Variants in ITGA11 observed in about 807,000 individuals in gnomAD.
ITGA11 encodes integrin alpha-11.
A neutral mutation model predicts 141.9 loss-of-function variants in ITGA11; 97 were observed. The observed-to-expected ratio is 0.68, with a 90% CI of 0.58 to 0.81. ITGA11 has a LOEUF of 0.81. Ranked by LOEUF, ITGA11 falls within the 30% of genes least tolerant of loss-of-function variation. ITGA11 has a pLI of 0.00. For synonymous variants in ITGA11, 658 were observed against 624.6 expected, an observed-to-expected ratio of 1.05 and a Z score of -0.80; for missense variants, 1,387 against 1,559.2, an observed-to-expected ratio of 0.89 and a Z score of 1.86.
chr15:68,430,804 G>C (rs1000784013), intron 1 of ITGA11, among the ~76,000 whole-genome samples: 18 of 152,362 alleles, frequency 1.2e-4, no homozygotes, highest in South Asian at 6.2e-4. Flanking sequence ...GATTCCACTA[G>C]CCAGAGGCCC....
rs369073414 is a variant in ITGA11 at position 68,357,189 on chromosome 15, T to G, written c.711A>C (p.Gly237=). ...EAASHIEQRG[G]TETRTAFGIE... is the part of the protein sequence containing the mutation. ...TGCCAAATGCCGTCCGGGTCTCTGT[T>G]CCTCCTCTCTGCTCAATGTGGCTGG... Residue 237 remains glycine (G), a synonymous_variant, in exon 7 of 30, where the codon GGA becomes GGC. Coordinates refer to ENST00000315757, the MANE Select transcript of ITGA11 (RefSeq NM_001004439.2). 1 of 1,613,848 alleles carries G rather than the reference T, an allele frequency of 6.2e-7. No homozygotes were observed. Among genetic ancestry groups the G allele is most frequent in the Non-Finnish European group, 8.5e-7 (1 of 1,179,894 alleles).
rs1567119727 is a variant in ITGA11, at chr15:68,304,424, A to AT, written c.3382-540dup. On this transcript the variant is annotated intron_variant, in intron 28 of 29. Transcript: ENST00000315757. The surrounding 1 kb of genome is among the most constrained non-coding windows in gnomAD (Gnocchi z 6.1). The stretch of plus-strand genomic sequence containing the variant: ...TGGAATAGAATCCAGCTTGGATAAC[A>AT]TTTTTTAATCTTTGTATCAACATGG... 6.6e-6 allele frequency among the ~76,000 whole-genome samples: 1 copy of AT among 152,204 alleles called. No individual in the cohort carries two copies. Among genetic ancestry groups the AT allele is most frequent in the African/African-American group, 2.4e-5 (1 of 41,452 alleles).
chr15:68,328,122 G>A lies in ITGA11; in HGVS notation c.2042C>T (p.Ala681Val). Residue 681 changes from alanine (A) to valine (V), a missense_variant, in exon 16 of 30, where the codon GCA becomes GTA. Coordinates refer to ENST00000315757, the MANE Select transcript of ITGA11 (RefSeq NM_001004439.2). This position sits in a 1 kb window ranked among gnomAD's most constrained non-coding sequence, Gnocchi z 4.8. ...AFLCFTPIFL[A>V]PHFQTTTVGI... ...AACAGTTGTTGTTTGGAAATGGGGTGCCAGGAAGATGGGCGTGAAGCAGAG... is the reference window on the plus strand; with the variant it reads ...AACAGTTGTTGTTTGGAAATGGGGTACCAGGAAGATGGGCGTGAAGCAGAG... The A allele has an allele frequency of 6.2e-7, 1 of 1,613,778 alleles. No homozygotes were observed. The highest frequency in any genetic ancestry group is 8.5e-7 in the Non-Finnish European group (1 of 1,179,826).
At chr15:68,354,286 C>T (rs1206986748) in intron 7 of ITGA11, among the ~76,000 whole-genome samples, 3 of 152,148 alleles carry the variant, frequency 2.0e-5, no homozygotes, top group Non-Finnish European at 4.4e-5. Flanking sequence ...GTGTGAGGCA[C>T]ATAGTAGAGG....
intron 1 of ITGA11, among the ~76,000 whole-genome samples, chr15:68,431,765 A>T (rs1205547881): frequency 6.6e-6 from 1 of 152,192 alleles, no homozygotes; most frequent in Non-Finnish European, 1.5e-5. Context: ...TTTTCAACTC[A>T]AGCCTCTTCA....
At chr15:68,351,765 A>G (rs1485551630) in intron 7 of ITGA11, among the ~76,000 whole-genome samples, 4 of 151,164 alleles carry the variant, frequency 2.6e-5, no homozygotes, top group Non-Finnish European at 5.9e-5. Flanking sequence ...CCAGCTGCTC[A>G]CTGACATCTC....
At chr15:68,313,717 AG>A in intron 23 of ITGA11, 61 bp downstream of exon 23, 1 of 1,307,178 alleles carries the variant, frequency 7.7e-7, no homozygotes, top group East Asian at 2.4e-5. Context: ...GCCCCCCCTT[AG>A]GCCTCCCTCC....
At chr15:68,425,484 T>C (rs1027249703) in intron 1 of ITGA11, among the ~76,000 whole-genome samples, 1 of 152,196 alleles carries the variant, frequency 6.6e-6, no homozygotes, top group Non-Finnish European at 1.5e-5. Context: ...GCAGGGGCTA[T>C]GCATAGTGCC....
chr15:68,398,617 T>C (rs1473346525), intron 2 of ITGA11, among the ~76,000 whole-genome samples: 2 of 148,154 alleles, frequency 1.3e-5, no homozygotes, highest in African/African-American at 4.9e-5. Context: ...TAAGTATAAA[T>C]ATTTTTATGG....
At chr15:68,379,791 C>T (rs573388849) in intron 2 of ITGA11, among the ~76,000 whole-genome samples, 2 of 152,292 alleles carry the variant, frequency 1.3e-5, no homozygotes, top group South Asian at 4.1e-4. Flanking sequence ...TAGCAGCTTT[C>T]TCCTCCAAAA....
chr15:68,318,004 G>T (rs1204907109), intron 20 of ITGA11, among the ~76,000 whole-genome samples: 2 of 152,196 alleles, frequency 1.3e-5, no homozygotes, highest in African/African-American at 4.8e-5. Flanking sequence ...GTTTTTGCAT[G>T]TGTGTGCAAA....
At chr15:68,349,455 A>T (rs1220044943) in intron 9 of ITGA11, among the ~76,000 whole-genome samples, 1 of 152,152 alleles carries the variant, frequency 6.6e-6, no homozygotes, top group Admixed American at 6.5e-5. Context: ...ATTGGATCGA[A>T]TGTTCTCATC....
chr15:68,361,049 G>A (rs924722692), intron 5 of ITGA11, among the ~76,000 whole-genome samples: 20 of 152,118 alleles, frequency 1.3e-4, no homozygotes, highest in Non-Finnish European at 5.9e-5. Context: ...GGTTTTCTTC[G>A]CAGGTGGGCA....
intron 1 of ITGA11, among the ~76,000 whole-genome samples, chr15:68,412,667 GCTTT>G (rs1896801684): frequency 8.3e-6 from 1 of 120,374 alleles, no homozygotes; most frequent in South Asian, 2.7e-4. Flanking sequence ...GAACTTATTC[GCTTT>G]TTTTTTTTTT....
chr15:68,359,946 AT>A (rs2140346036), intron 5 of ITGA11, among the ~76,000 whole-genome samples: 1 of 152,334 alleles, frequency 6.6e-6, no homozygotes, highest in South Asian at 2.1e-4. Flanking sequence ...TAATTCTTGC[AT>A]TTCGAAGAGG....
At chr15:68,319,936 ATTTTTT>A (rs3837690) in intron 20 of ITGA11, among the ~76,000 whole-genome samples, 2 of 148,700 alleles carry the variant, frequency 1.3e-5, no homozygotes, top group South Asian at 4.3e-4. Flanking sequence ...CTCTCCTGTG[ATTTTTT>A]TTTTTATTTA....
intron 1 of ITGA11, among the ~76,000 whole-genome samples, chr15:68,412,668 CTTTTTTTTTTTTTT>C (rs71145169): frequency 3.4e-5 from 2 of 59,256 alleles, no homozygotes; most frequent in Admixed American, 2.7e-4. Flanking sequence ...AACTTATTCG[CTTTTTTTTTTTTTT>C]TTTTTTTTTT....
At chr15:68,351,213 G>A in intron 8 of ITGA11, 45 bp downstream of exon 8, 1 of 1,606,214 alleles carries the variant, frequency 6.2e-7, no homozygotes, top group Non-Finnish European at 8.5e-7. Flanking sequence ...TGATGGTAAA[G>A]CCTCTCAGAG....
In ITGA11 at chr15:68,300,746, C is replaced by G. The variant is rs1041909827; in HGVS notation, c.*2313G>C. The G allele has an allele frequency of 6.6e-6, 1 of 152,054 alleles. No homozygotes were observed. The highest frequency in any genetic ancestry group is 1.5e-5 in the Non-Finnish European group (1 of 68,022). 9.4% of individuals were successfully genotyped at this position (152,054 alleles called of 1,614,324 possible). A position where few individuals can be genotyped will look rare whatever the true frequency, so the allele number is the denominator to read the frequency against. On this transcript the variant is annotated 3_prime_UTR_variant, in exon 30 of 30. Transcript: ENST00000315757. ...GGACTGTGGAGTTCTGGAATAAGGG[C>G]TGCTTGCCTCTGACCGAGAGTCCAG... is the stretch of plus-strand genomic sequence containing the variant.
Sources: allele counts gnomAD v4.1 joint callset (sites outside exome capture counted in the v4.1 genomes callset), GRCh38; gene constraint gnomAD v4.1.1; non-coding constraint Gnocchi (gnomAD v3.1); transcripts MANE v1.5; gene names NCBI Gene and HGNC (gene_info 2026-07-23, HGNC 2026-07-21).